Variants in WDR89 observed in about 807,000 individuals in gnomAD.
The protein encoded by WDR89 is WD repeat domain 89.
In WDR89, 17 loss-of-function variants were observed where a neutral mutation model predicts 29.1. The observed-to-expected ratio is 0.58, with a 90% CI of 0.40 to 0.88. WDR89 has a LOEUF of 0.88. WDR89 is among the 40% of genes least tolerant of loss of function. The pLI, the probability that WDR89 is intolerant of heterozygous loss-of-function variation, is 0.00. For missense variants in WDR89, 396 were observed against 456.3 expected (o/e 0.87, Z 1.20); for synonymous variants, 138 against 157.8 (o/e 0.87, Z 0.94).
chr14:63,620,198 T>C (rs922780734), intron 2 of WDR89, among the ~76,000 whole-genome samples: 2 of 152,010 alleles, frequency 1.3e-5, no homozygotes, highest in Non-Finnish European at 2.9e-5. Flanking sequence ...GCACCTGTCA[T>C]CCCAGCTACT....
Position 63,597,623 on chromosome 14 carries a change from T to G in WDR89, c.*1156A>C, listed in dbSNP as rs1894854691. On this transcript the variant is annotated 3_prime_UTR_variant, in exon 3 of 3. Coordinates refer to ENST00000620954, the MANE Select transcript of WDR89 (RefSeq NM_080666.4). ...TTTAATAGTTTCACTTCCAATTGTT[T>G]TATGAATGCGATTTCTCCAGATATC... 6.6e-6 allele frequency: 1 copy of G among 152,226 alleles called. No individual in the cohort carries two copies. Among genetic ancestry groups the G allele is most frequent in the African/African-American group, 2.4e-5 (1 of 41,462 alleles). 9.4% of individuals were successfully genotyped at this position (152,226 alleles called of 1,614,324 possible).
At chr14:63,627,742 C>T (rs1883160530) in intron 1 of WDR89, among the ~76,000 whole-genome samples, 1 of 151,788 alleles carries the variant, frequency 6.6e-6, no homozygotes, top group Non-Finnish European at 1.5e-5. Context: ...GTCTTAAAAG[C>T]TCATTTCTTC....
Position 63,599,024 on chromosome 14 carries a change from T to C in WDR89, c.919A>G (p.Met307Val), listed in dbSNP as rs541626796. 1.5e-5 allele frequency: 25 copies of C among 1,614,244 alleles called. No homozygotes were observed. The South Asian group carries it at 2.3e-4, about 15-fold the overall frequency. The stretch of plus-strand genomic sequence containing the variant: ...CTAGTCACATGGGTCAGTCCTGACA[T>C]GCTGCAGTTCATCAAATGAATCCTT... ...KGRIHLMNCS[M>V]SGLTHVTSLQ... Residue 307 changes from methionine (M) to valine (V), a missense_variant, in exon 3 of 3, where the codon ATG (methionine) becomes GTG (valine). Coordinates refer to ENST00000620954, the MANE Select transcript of WDR89 (RefSeq NM_080666.4).
At position 63,599,237 on chromosome 14, in the gene WDR89, T is replaced by A. The variant is rs753044102; in HGVS notation, c.706A>T (p.Thr236Ser). The A allele has an allele frequency of 6.2e-7, 1 of 1,607,566 alleles. No homozygotes were observed. The highest frequency in any genetic ancestry group is 8.5e-7 in the Non-Finnish European group (1 of 1,175,810). The stretch of plus-strand genomic sequence containing the variant: ...CACCAATAAAATCCTTCATCATGTG[T>A]CATGCAGTAAATCTGTTTATAACCT... ...GKGYKQIYCM[T>S]HDEGFYWWDL... Residue 236 changes from threonine to serine, a missense_variant, in exon 3 of 3, where the codon ACA becomes TCA. Coordinates refer to ENST00000620954, the MANE Select transcript of WDR89 (RefSeq NM_080666.4).
intron 2 of WDR89, among the ~76,000 whole-genome samples, chr14:63,610,093 G>T (rs915107545): frequency 6.6e-6 from 1 of 150,722 alleles, no homozygotes; most frequent in Non-Finnish European, 1.5e-5. Flanking sequence ...AGTGGCTCAC[G>T]CCTGTAATCC....
chr14:63,611,720 A>G (rs149867619), intron 2 of WDR89, among the ~76,000 whole-genome samples: 8 of 151,690 alleles, frequency 5.3e-5, no homozygotes, highest in Non-Finnish European at 1.2e-4. Flanking sequence ...AATTTTTTTT[A>G]AATTTTTATT....
chr14:63,611,064 C>T (rs927090087), intron 2 of WDR89, among the ~76,000 whole-genome samples: 2 of 152,004 alleles, frequency 1.3e-5, no homozygotes, highest in African/African-American at 4.8e-5. Context: ...TCATACCAGG[C>T]ACAGTGGCTC....
intron 2 of WDR89, chr14:63,621,993 T>C (rs1314529910): frequency 2.0e-5 from 3 of 152,244 alleles, no homozygotes; most frequent in Middle Eastern, 3.4e-3. Context: ...GAAATCCGGA[T>C]TGACATAAAG....
chr14:63,598,752 C>G lies in WDR89; in HGVS notation c.*27G>C, dbSNP rs758371007. ...GAAGGACTATTTGAAACTATAAAAC[C>G]TACCAAACAAAGTGCCAAATGCATT... On this transcript the variant is annotated 3_prime_UTR_variant, in exon 3 of 3. Coordinates refer to ENST00000620954, the MANE Select transcript of WDR89 (RefSeq NM_080666.4). 1.3e-6 allele frequency: 2 copies of G among 1,538,064 alleles called. No homozygotes were observed. The highest frequency in any genetic ancestry group is 1.7e-6 in the Non-Finnish European group (2 of 1,144,766).
chr14:63,615,207 A>G (rs760027415), intron 2 of WDR89, among the ~76,000 whole-genome samples: 19 of 152,296 alleles, frequency 1.2e-4, no homozygotes, highest in Admixed American at 5.9e-4. Context: ...TCCAAACGTC[A>G]CCCTTTACGG....
At chr14:63,638,280 C>G (rs1457594745) in intron 1 of WDR89, among the ~76,000 whole-genome samples, 1 of 152,012 alleles carries the variant, frequency 6.6e-6, no homozygotes, top group Non-Finnish European at 1.5e-5. Flanking sequence ...ACTGCCCCCC[C>G]AAAAAAGAAA....
At chr14:63,610,729 G>C (rs1881923067) in intron 2 of WDR89, among the ~76,000 whole-genome samples, 1 of 142,500 alleles carries the variant, frequency 7.0e-6, no homozygotes, top group Non-Finnish European at 1.5e-5. Flanking sequence ...TTGAGAGGGA[G>C]TCTCACTCTG....
At chr14:63,608,450 T>C (rs1881734847) in intron 2 of WDR89, among the ~76,000 whole-genome samples, 1 of 152,178 alleles carries the variant, frequency 6.6e-6, no homozygotes, top group East Asian at 1.9e-4. Flanking sequence ...TAATAATGTA[T>C]TTATATTTTT....
At chr14:63,638,945 G>T (rs1883918760) in intron 1 of WDR89, among the ~76,000 whole-genome samples, 1 of 152,168 alleles carries the variant, frequency 6.6e-6, no homozygotes, top group Non-Finnish European at 1.5e-5. Flanking sequence ...GAGATGGAGA[G>T]AGTATCCTTG....
intron 2 of WDR89, chr14:63,601,363 T>TGAAG: frequency 1.8e-6 from 1 of 563,084 alleles, no homozygotes; most frequent in South Asian, 2.6e-5. Flanking sequence ...CTTCACGGAC[T>TGAAG]GTGCTCTAAA....
intron 2 of WDR89, among the ~76,000 whole-genome samples, chr14:63,623,226 G>C (rs1882815792): frequency 1.4e-5 from 2 of 142,998 alleles, no homozygotes; most frequent in South Asian, 2.2e-4. Context: ...AATGCATATA[G>C]TAAACCCTAG....
chr14:63,599,587 A>G lies in WDR89; in HGVS notation c.356T>C (p.Ile119Thr). Residue 119 changes from isoleucine to threonine, a missense_variant, in exon 3 of 3, where the codon ATC becomes ACC. Ile to Thr is a moderately conservative substitution (Grantham distance 89, BLOSUM62 -1). Transcript: ENST00000620954. ...LFKGYPSNIF[I>T]SFDINCNDHI... The stretch of plus-strand genomic sequence containing the variant: ...ATCATTACAATTAATATCAAAACTG[A>G]TAAAAATATTGGAAGGGTAACCCTT... 1 of 1,614,126 alleles carries G rather than the reference A, an allele frequency of 6.2e-7. No homozygotes were observed. Among genetic ancestry groups the G allele is most frequent in the Non-Finnish European group, 8.5e-7 (1 of 1,179,994 alleles).
At chr14:63,633,467 C>A (rs982101562) in intron 1 of WDR89, among the ~76,000 whole-genome samples, 1 of 152,134 alleles carries the variant, frequency 6.6e-6, no homozygotes, top group Admixed American at 6.6e-5. Flanking sequence ...ACATATCTCT[C>A]AGACAATAAA....
At chr14:63,626,523 A>C (rs1883059567) in intron 1 of WDR89, among the ~76,000 whole-genome samples, 1 of 151,396 alleles carries the variant, frequency 6.6e-6, no homozygotes, top group Non-Finnish European at 1.5e-5. Flanking sequence ...CTAAAAATAC[A>C]AAAATGAGCT....
Sources: gnomAD v4.1 joint callset for allele counts (sites outside exome capture counted in the v4.1 genomes callset) on GRCh38, gnomAD v4.1.1 for gene constraint, MANE v1.5 for transcripts, NCBI Gene and HGNC (gene_info 2026-07-23, HGNC 2026-07-21) for gene names.